EXOC6B: variants seen among roughly 807,000 people sequenced by gnomAD.
The protein encoded by EXOC6B is exocyst complex component 6B.
EXOC6B carries 54 observed loss-of-function variants against 113.5 expected under a neutral mutation model. That is an observed-to-expected ratio of 0.48 (90% CI 0.38 to 0.60). EXOC6B has a LOEUF of 0.60. Ranked by LOEUF, EXOC6B falls within the 20% of genes least tolerant of loss-of-function variation. EXOC6B has a pLI of 0.00. For missense variants in EXOC6B, 797 were observed against 977.5 expected (o/e 0.82, Z 2.46); for synonymous variants, 357 against 339.0 (o/e 1.05, Z -0.58).
intron 20 of EXOC6B, among the ~76,000 whole-genome samples, chr2:72,303,332 T>C (rs1010263686): frequency 6.6e-6 from 1 of 152,192 alleles, no homozygotes; most frequent in African/African-American, 2.4e-5. Context: ...AAATGTATTT[T>C]CCAAGTTGTT....
At chr2:72,437,128 T>A (rs138962415) in intron 18 of EXOC6B, among the ~76,000 whole-genome samples, 1 of 152,244 alleles carries the variant, frequency 6.6e-6, no homozygotes. Context: ...TTTTCTTTGT[T>A]AGTTTTCCTT....
At chr2:72,587,171 A>G (rs1200658675) in intron 6 of EXOC6B, among the ~76,000 whole-genome samples, 1 of 152,214 alleles carries the variant, frequency 6.6e-6, no homozygotes, top group Non-Finnish European at 1.5e-5. Context: ...CTAGGTGCCC[A>G]TCAATGGTGG....
At chr2:72,427,981 T>C (rs1695302767) in intron 18 of EXOC6B, among the ~76,000 whole-genome samples, 2 of 152,236 alleles carry the variant, frequency 1.3e-5, no homozygotes, top group Middle Eastern at 3.4e-3. Context: ...AGCTGAAACA[T>C]GTTGGGATGT....
intron 1 of EXOC6B, among the ~76,000 whole-genome samples, chr2:72,781,078 C>G (rs1684009457): frequency 2.0e-5 from 3 of 152,128 alleles, no homozygotes; most frequent in Admixed American, 1.3e-4. Flanking sequence ...TCTGGCCATG[C>G]TATTCTTCTG....
At chr2:72,559,373 G>T (rs1703753878) in intron 8 of EXOC6B, 80 bp downstream of exon 8, 1 of 1,017,870 alleles carries the variant, frequency 9.8e-7, no homozygotes, top group Non-Finnish European at 1.4e-6. Context: ...ATAATAAACA[G>T]AAAAACTACC....
chr2:72,186,655 T>A (rs1250224532), intron 20 of EXOC6B, among the ~76,000 whole-genome samples: 1 of 152,252 alleles, frequency 6.6e-6, no homozygotes, highest in Admixed American at 6.5e-5. Flanking sequence ...ATTTTAGATA[T>A]TACTTTTTCA....
intron 1 of EXOC6B, among the ~76,000 whole-genome samples, chr2:72,823,479 C>CAAAAAAAAAAAAAAAAAAAAAAAAAAAAA (rs1214480106): frequency 1.0e-5 from 1 of 95,344 alleles, no homozygotes; most frequent in Non-Finnish European, 1.8e-5. Context: ...AAAAAAAAAA[C>CAAAAAAAAAAAAAAAAAAAAAAAAAAAAA]AAAAAACAAA....
chr2:72,799,769 T>C (rs757182447), intron 1 of EXOC6B, among the ~76,000 whole-genome samples: 1 of 152,182 alleles, frequency 6.6e-6, no homozygotes, highest in Non-Finnish European at 1.5e-5. Flanking sequence ...AGTTTCTCAC[T>C]ATTTTAAAAT....
At chr2:72,633,776 CAG>C (rs1163537936) in intron 6 of EXOC6B, among the ~76,000 whole-genome samples, 1 of 152,092 alleles carries the variant, frequency 6.6e-6, no homozygotes, top group Admixed American at 6.6e-5. Flanking sequence ...ATAAATAAAA[CAG>C]GGTCTGTCCC....
chr2:72,568,230 C>T (rs1175314722), intron 7 of EXOC6B, among the ~76,000 whole-genome samples: 1 of 151,718 alleles, frequency 6.6e-6, no homozygotes, highest in Non-Finnish European at 1.5e-5. Context: ...GGAGACTAAA[C>T]AGACATAAAA....
chr2:72,257,027 G>C (rs369848426), intron 20 of EXOC6B, among the ~76,000 whole-genome samples: 1 of 152,220 alleles, frequency 6.6e-6, no homozygotes, highest in South Asian at 2.1e-4. Flanking sequence ...AGCAGTCACT[G>C]TCCCTAGGCT....
At chr2:72,421,869 C>A (rs756092918) in intron 18 of EXOC6B, among the ~76,000 whole-genome samples, 3 of 152,212 alleles carry the variant, frequency 2.0e-5, no homozygotes, top group Non-Finnish European at 4.4e-5. Context: ...GCAGCGCTTG[C>A]GGGCCAGCTG....
intron 19 of EXOC6B, among the ~76,000 whole-genome samples, chr2:72,355,797 T>C (rs1027028148): frequency 2.6e-5 from 4 of 152,206 alleles, no homozygotes; most frequent in Non-Finnish European, 2.9e-5. Context: ...CCTTCAGTAG[T>C]CCACCCATAG....
At chr2:72,427,341 G>GC (rs1342515648) in intron 18 of EXOC6B, among the ~76,000 whole-genome samples, 1 of 152,142 alleles carries the variant, frequency 6.6e-6, no homozygotes, top group African/African-American at 2.4e-5. Context: ...CCTCCCAAGC[G>GC]CAGGACTTGG....
chr2:72,198,716 C>T (rs1679316969), intron 20 of EXOC6B, among the ~76,000 whole-genome samples: 1 of 152,144 alleles, frequency 6.6e-6, no homozygotes, highest in African/African-American at 2.4e-5. Flanking sequence ...CTGCACTGTT[C>T]CCCATAACTG....
chr2:72,630,873 A>G (rs1193370749), intron 6 of EXOC6B, among the ~76,000 whole-genome samples: 8 of 152,150 alleles, frequency 5.3e-5, no homozygotes, highest in East Asian at 1.9e-4. Flanking sequence ...CCAAGTGCCA[A>G]TCTCAGGAGG....
intron 19 of EXOC6B, among the ~76,000 whole-genome samples, chr2:72,365,261 A>G (rs766279735): frequency 1.3e-5 from 2 of 152,126 alleles, no homozygotes; most frequent in Non-Finnish European, 2.9e-5. Context: ...AAACCCCTAA[A>G]AATCTTGAAA....
At chr2:72,487,557 C>T (rs1438954024) in intron 16 of EXOC6B, among the ~76,000 whole-genome samples, 10 of 152,028 alleles carry the variant, frequency 6.6e-5, no homozygotes, top group Non-Finnish European at 1.3e-4. Context: ...GACGGGGTTT[C>T]GCCATGTTGG....
chr2:72,276,736 A>G (rs768478073), intron 20 of EXOC6B, among the ~76,000 whole-genome samples: 6 of 152,138 alleles, frequency 3.9e-5, no homozygotes, highest in Non-Finnish European at 7.4e-5. Context: ...CATAGTATTA[A>G]CTTGTTCATT....
Sources: gnomAD v4.1 joint callset for allele counts (sites outside exome capture counted in the v4.1 genomes callset) on GRCh38, gnomAD v4.1.1 for gene constraint, MANE v1.5 for transcripts, NCBI Gene and HGNC (gene_info 2026-07-23, HGNC 2026-07-21) for gene names.